HMCN1: variants seen among roughly 807,000 people sequenced by gnomAD.
HMCN1 encodes the protein hemicentin 1.
Under a neutral mutation model 625.9 loss-of-function variants are expected in HMCN1, and 321 were observed. The ratio of observed to expected loss-of-function variants is 0.51; its 90% CI spans 0.47 to 0.56. The LOEUF (loss-of-function observed/expected upper bound fraction) is 0.56. HMCN1 is among the 20% of genes least tolerant of loss of function. The pLI, the probability that HMCN1 is intolerant of heterozygous loss-of-function variation, is 0.00. For missense variants in HMCN1, 6,588 were observed against 6,887.3 expected, an observed-to-expected ratio of 0.96 and a Z score of 1.54; for synonymous variants, 2,425 against 2,417.6, an observed-to-expected ratio of 1.00 and a Z score of -0.09.
At chr1:186,113,943 T>C (rs1260827769) in intron 72 of HMCN1, 36 bp from the exon 73 acceptor site, 1 of 1,612,936 alleles carries the variant, frequency 6.2e-7, no homozygotes, top group Middle Eastern at 1.7e-4. Context: ...TATTATTTAG[T>C]CTCACTGAAT....
At chr1:186,072,212 G>A (rs1237152154) in intron 52 of HMCN1, among the ~76,000 whole-genome samples, 2 of 152,104 alleles carry the variant, frequency 1.3e-5, no homozygotes, top group South Asian at 2.1e-4. Context: ...CTAAAGTGAA[G>A]TAGTGTTTTC....
intron 100 of HMCN1, among the ~76,000 whole-genome samples, chr1:186,169,476 T>A (rs1296951414): frequency 5.2e-4 from 79 of 152,332 alleles, no homozygotes; most frequent in Non-Finnish European, 1.5e-5. Context: ...AGCATGGTAC[T>A]GGTACCAGAA....
At chr1:185,883,966 T>C (rs1449507516) in intron 4 of HMCN1, among the ~76,000 whole-genome samples, 2 of 150,594 alleles carry the variant, frequency 1.3e-5, no homozygotes, top group Admixed American at 6.6e-5. Flanking sequence ...TGTTGAGTAT[T>C]GGATTTTGTT....
intron 11 of HMCN1, among the ~76,000 whole-genome samples, chr1:185,954,764 C>T (rs185371321): frequency 4.6e-5 from 7 of 152,208 alleles, no homozygotes; most frequent in Admixed American, 3.9e-4. Context: ...GTAATCATAC[C>T]TTACTTCTCT....
chr1:186,123,260 A>G, intron 81 of HMCN1, 40 bp downstream of exon 81: 2 of 1,590,656 alleles, frequency 1.3e-6, no homozygotes, highest in African/African-American at 1.3e-5. Context: ...CTGCTGCACT[A>G]CCATGGCAAA....
Position 186,136,730 on chromosome 1 carries a change from T to G in HMCN1, c.13375T>G (p.Leu4459Val). Residue 4459 changes from leucine to valine, a missense_variant, in exon 87 of 107, where the codon TTG becomes GTG. Coordinates refer to ENST00000271588, the MANE Select transcript of HMCN1 (RefSeq NM_031935.3). The part of the protein sequence containing the change: ...TVINAGGKII[L>V]NCQATGEPQP... ...TATTAATGCTGGTGGCAAAATCATA[T>G]TGAATTGTCAGGCAACTGGAGAGCC... is the stretch of plus-strand genomic sequence containing the variant. 1 of 1,614,022 alleles carries G rather than the reference T, an allele frequency of 6.2e-7. No individual in the cohort carries two copies. The highest frequency in any genetic ancestry group is 1.3e-5 in the African/African-American group (1 of 75,050).
At chr1:186,120,509 C>A (rs1039744742) in intron 80 of HMCN1, among the ~76,000 whole-genome samples, 1 of 152,180 alleles carries the variant, frequency 6.6e-6, no homozygotes, top group Non-Finnish European at 1.5e-5. Context: ...CTTAAAAAAT[C>A]ATAATCGCAG....
At chr1:186,101,687 A>C (rs1660389540) in intron 68 of HMCN1, among the ~76,000 whole-genome samples, 1 of 152,138 alleles carries the variant, frequency 6.6e-6, no homozygotes, top group Non-Finnish European at 1.5e-5. Context: ...TAATACTGTT[A>C]CTGCTGCTAC....
In HMCN1 at chr1:186,151,333, T is replaced by C. The variant is rs754127646; in HGVS notation, c.14742T>C (p.Asn4914=). The change falls in exon 94 of 107, where the codon AAT becomes AAC. Residue 4914 remains asparagine (N), a synonymous_variant. Transcript: ENST00000271588. ...GAATAATACGTGCCAAAATTACCAA[T>C]GTACCTCGTAGTCTTGGTAAGTCTT... ...DTRIIRAKIT[N]VPRSLGSAMR... 25 of 1,613,400 alleles carry C rather than the reference T, an allele frequency of 1.5e-5. No homozygotes were observed. The Admixed American group carries it at 3.8e-4, about 25-fold the overall frequency.
intron 98 of HMCN1, 90 bp downstream of exon 98, chr1:186,165,263 G>A: frequency 9.2e-7 from 1 of 1,082,330 alleles, no homozygotes; most frequent in Non-Finnish European, 1.4e-6. Flanking sequence ...CTTTCACTAG[G>A]TATTTAATCT....
chr1:186,071,800 G>A (rs1485760123), intron 52 of HMCN1, among the ~76,000 whole-genome samples: 1 of 152,154 alleles, frequency 6.6e-6, no homozygotes, highest in Non-Finnish European at 1.5e-5. Flanking sequence ...CTGACTACAA[G>A]CACACTTCAT....
chr1:186,055,063 T>A (rs1657222463), intron 44 of HMCN1, among the ~76,000 whole-genome samples: 2 of 151,984 alleles, frequency 1.3e-5, no homozygotes, highest in Non-Finnish European at 2.9e-5. Flanking sequence ...ATATCTATTT[T>A]AAATAAGTAT....
intron 93 of HMCN1, among the ~76,000 whole-genome samples, chr1:186,150,809 G>A (rs1650615774): frequency 6.6e-6 from 1 of 151,824 alleles, no homozygotes; most frequent in South Asian, 2.1e-4. Flanking sequence ...TAGAATTGTT[G>A]ATAGGATTAA....
At chr1:185,765,879 T>C (rs1655840692) in intron 1 of HMCN1, among the ~76,000 whole-genome samples, 1 of 152,154 alleles carries the variant, frequency 6.6e-6, no homozygotes, top group Non-Finnish European at 1.5e-5. Flanking sequence ...ACTCTTAAGG[T>C]AGAGCAAAGG....
At chr1:185,871,143 C>T (rs748013761) in intron 4 of HMCN1, among the ~76,000 whole-genome samples, 1 of 151,300 alleles carries the variant, frequency 6.6e-6, no homozygotes, top group South Asian at 2.1e-4. Flanking sequence ...GCAAGAGAAT[C>T]GCTTGAGGCT....
At position 186,103,538 on chromosome 1, in the gene HMCN1, A is replaced by G; in HGVS notation, c.10640A>G (p.Glu3547Gly). Reference sequence around the variant, plus strand: ...TCAGTAATTGTTAATAACCCACTTGAACTTACCTGCATTGCTTCTGGAATC... The same window carrying G: ...TCAGTAATTGTTAATAACCCACTTGGACTTACCTGCATTGCTTCTGGAATC... ...EISVIVNNPL[E>G]LTCIASGIPA... Residue 3547 changes from glutamate to glycine, a missense_variant, in exon 69 of 107, where the codon GAA (glutamate) becomes GGA (glycine). Around this residue, in one of 3 missense-constraint regions of HMCN1, gnomAD observed 4,628 missense variants for 4,853.1 expected, o/e 0.95. Transcript: ENST00000271588. 6.2e-7 allele frequency: 1 copy of G among 1,613,860 alleles called. No homozygotes were observed. Among genetic ancestry groups the G allele is most frequent in the Non-Finnish European group, 8.5e-7 (1 of 1,179,788 alleles).
At chr1:185,811,624 G>A (rs1659524667) in intron 1 of HMCN1, among the ~76,000 whole-genome samples, 1 of 151,742 alleles carries the variant, frequency 6.6e-6, no homozygotes, top group African/African-American at 2.4e-5. Context: ...AAAAAAAGGA[G>A]GTGTGTGGAT....
chr1:186,124,682 G>C (rs1661562448), intron 81 of HMCN1, among the ~76,000 whole-genome samples: 1 of 151,898 alleles, frequency 6.6e-6, no homozygotes. Context: ...ATCGAAAACA[G>C]TTAATTTAAC....
intron 11 of HMCN1, among the ~76,000 whole-genome samples, chr1:185,953,416 C>A (rs921604224): frequency 6.6e-6 from 1 of 151,842 alleles, no homozygotes; most frequent in African/African-American, 2.4e-5. Flanking sequence ...GGGAAGTCTG[C>A]CTTCCCAGTC....
Sources: gnomAD v4.1 joint callset for allele counts (sites outside exome capture counted in the v4.1 genomes callset) on GRCh38, gnomAD v4.1.1 for gene constraint, gnomAD v4.1.1 regional missense constraint, MANE v1.5 for transcripts, NCBI Gene and HGNC (gene_info 2026-07-23, HGNC 2026-07-21) for gene names.